Variants in TENM4 observed in about 807,000 individuals in gnomAD.
TENM4 encodes the protein teneurin transmembrane protein 4, also known as teneurin-4.
TENM4 carries 82 observed loss-of-function variants against 243.3 expected under a neutral mutation model. The observed-to-expected ratio is 0.34, with a 90% CI of 0.28 to 0.40. The LOEUF is 0.40. Among genes scored for constraint, TENM4 ranks in the 10% least tolerant of loss-of-function variants. The probability of loss-of-function intolerance (pLI) is 1.00; values close to 1 mark genes in which losing one functional copy is unlikely to be tolerated. For missense variants in TENM4, 3,138 were observed against 3,673.3 expected (o/e 0.85, Z 3.77); for synonymous variants, 1,412 against 1,456.3 (o/e 0.97, Z 0.69).
intron 1 of TENM4, among the ~76,000 whole-genome samples, chr11:79,390,113 G>C (rs573483158): frequency 8.3e-4 from 126 of 152,240 alleles, no homozygotes; most frequent in Non-Finnish European, 1.5e-3. Flanking sequence ...ATACAGAGCA[G>C]TGGAATGAAG....
At chr11:78,885,423 T>C (rs1855528748) in intron 9 of TENM4, among the ~76,000 whole-genome samples, 2 of 152,214 alleles carry the variant, frequency 1.3e-5, no homozygotes, top group Non-Finnish European at 2.9e-5. Flanking sequence ...CCTCCCTGGA[T>C]TCCCAGCTCA....
chr11:79,022,080 C>A (rs529038153), intron 6 of TENM4, among the ~76,000 whole-genome samples: 1 of 152,242 alleles, frequency 6.6e-6, no homozygotes, highest in East Asian at 1.9e-4. Flanking sequence ...GGCTTAAGTC[C>A]TAACATAAGC....
chr11:78,739,871 A>T (rs1308899640), intron 19 of TENM4, among the ~76,000 whole-genome samples: 1 of 152,134 alleles, frequency 6.6e-6, no homozygotes, highest in Non-Finnish European at 1.5e-5. Context: ...AGGTTATATT[A>T]TGTGCCCGAA....
At chr11:79,269,480 A>G (rs974802997) in intron 2 of TENM4, 1 of 152,218 alleles carries the variant, frequency 6.6e-6, no homozygotes, top group Non-Finnish European at 1.5e-5. Context: ...AGAAAGCAGA[A>G]ATAAAGCACT....
At chr11:78,724,466 AC>A in intron 23 of TENM4, among the ~76,000 whole-genome samples, 1 of 152,310 alleles carries the variant, frequency 6.6e-6, no homozygotes, top group East Asian at 1.9e-4. Context: ...ATCTGAATTT[AC>A]TTTATATATA....
chr11:79,145,050 A>G lies in TENM4; in HGVS notation c.-66+3660T>C, dbSNP rs78059464. 5.6e-3 allele frequency among the ~76,000 whole-genome samples: 845 copies of G among 152,106 alleles called. 8 individuals carry two copies. Among genetic ancestry groups the G allele is most frequent in the African/African-American group, 0.019 (792 of 41,524 alleles). On this transcript the variant is annotated intron_variant, in intron 4 of 33. Coordinates refer to ENST00000278550, the MANE Select transcript of TENM4 (RefSeq NM_001098816.3). ...AAAATATCTCACGTGCCCCATAAATATATATACCTACTATGAACCCATAAA... is the reference window on the plus strand; with the variant it reads ...AAAATATCTCACGTGCCCCATAAATGTATATACCTACTATGAACCCATAAA...
At chr11:79,344,016 G>C (rs1857285609) in intron 1 of TENM4, among the ~76,000 whole-genome samples, 1 of 152,184 alleles carries the variant, frequency 6.6e-6, no homozygotes, top group Non-Finnish European at 1.5e-5. Context: ...CTCCCTTTCA[G>C]ATATCAGTGT....
intron 9 of TENM4, among the ~76,000 whole-genome samples, chr11:78,872,669 A>G (rs1479209101): frequency 6.6e-6 from 1 of 152,198 alleles, no homozygotes; most frequent in Non-Finnish European, 1.5e-5. Flanking sequence ...TGAGGCAGGA[A>G]AGAGAAATGT....
intron 6 of TENM4, among the ~76,000 whole-genome samples, chr11:78,914,079 C>G (rs1194348389): frequency 6.6e-6 from 1 of 152,300 alleles, no homozygotes; most frequent in South Asian, 2.1e-4. Flanking sequence ...AAATAAAACA[C>G]CCAATCACAC....
At chr11:79,079,479 C>G (rs1242781599) in intron 4 of TENM4, among the ~76,000 whole-genome samples, 1 of 152,176 alleles carries the variant, frequency 6.6e-6, no homozygotes, top group African/African-American at 2.4e-5. Context: ...CTTCCTGCCC[C>G]CAAAGTCACG....
At chr11:79,025,395 A>G (rs1859051516) in intron 6 of TENM4, among the ~76,000 whole-genome samples, 1 of 152,182 alleles carries the variant, frequency 6.6e-6, no homozygotes, top group Non-Finnish European at 1.5e-5. Flanking sequence ...ATAATAATTA[A>G]TAATAATAGA....
chr11:79,401,324 G>A lies in TENM4; in HGVS notation c.-321+39185C>T, dbSNP rs189629391. On this transcript the variant is annotated intron_variant, in intron 1 of 33. Coordinates refer to ENST00000278550, the MANE Select transcript of TENM4 (RefSeq NM_001098816.3). Reference sequence around the variant, plus strand: ...GAGCTCACAGACTAATGGAAGAGCCGATTTACAGAAAGAACACAGTGCAAC... The same window carrying A: ...GAGCTCACAGACTAATGGAAGAGCCAATTTACAGAAAGAACACAGTGCAAC... Among the ~76,000 whole-genome samples the A allele has an allele frequency of 3.3e-5, 5 of 152,278 alleles. No homozygotes were observed. The East Asian group carries it at 5.8e-4, about 18-fold the overall frequency.
intron 1 of TENM4, among the ~76,000 whole-genome samples, chr11:79,300,545 T>C (rs1856534198): frequency 6.6e-6 from 1 of 152,240 alleles, no homozygotes; most frequent in Non-Finnish European, 1.5e-5. Flanking sequence ...CACCCGAGTG[T>C]ATCACTTGTC....
At chr11:79,260,723 G>A (rs565931688) in intron 2 of TENM4, among the ~76,000 whole-genome samples, 4 of 152,040 alleles carry the variant, frequency 2.6e-5, no homozygotes, top group Non-Finnish European at 4.4e-5. Context: ...GCACGCCTCC[G>A]GTGCCAACTC....
intron 25 of TENM4, among the ~76,000 whole-genome samples, chr11:78,719,276 A>G (rs2135830063): frequency 6.6e-6 from 1 of 152,284 alleles, no homozygotes; most frequent in South Asian, 2.1e-4. Context: ...GTAATCATGG[A>G]TATCTGCTTC....
chr11:79,019,779 C>T (rs933001334), intron 6 of TENM4, among the ~76,000 whole-genome samples: 3 of 152,260 alleles, frequency 2.0e-5, no homozygotes, highest in South Asian at 2.1e-4. Context: ...GACACTATGA[C>T]ATTAGACAGT....
At chr11:79,127,909 T>C (rs1861916070) in intron 4 of TENM4, among the ~76,000 whole-genome samples, 1 of 152,216 alleles carries the variant, frequency 6.6e-6, no homozygotes, top group Non-Finnish European at 1.5e-5. Flanking sequence ...TGACCCCTCC[T>C]ACAACCAAGA....
chr11:79,227,497 T>C (rs1864294219), intron 2 of TENM4, among the ~76,000 whole-genome samples: 1 of 152,208 alleles, frequency 6.6e-6, no homozygotes, highest in Admixed American at 6.5e-5. Flanking sequence ...ACAGTGAATA[T>C]GCAAAGACTC....
chr11:79,167,178 A>G (rs1404273508), intron 3 of TENM4, among the ~76,000 whole-genome samples: 2 of 152,190 alleles, frequency 1.3e-5, no homozygotes, highest in African/African-American at 4.8e-5. Flanking sequence ...ACTCTTCCAT[A>G]CTTAGCATTT....
Sources: gnomAD v4.1 joint callset for allele counts (sites outside exome capture counted in the v4.1 genomes callset) on GRCh38, gnomAD v4.1.1 for gene constraint, MANE v1.5 for transcripts, NCBI Gene and HGNC (gene_info 2026-07-23, HGNC 2026-07-21) for gene names.